SETBP1: variants seen among roughly 807,000 people sequenced by gnomAD.
SETBP1 encodes SET binding protein 1.
In SETBP1, 9 loss-of-function variants were observed where a neutral mutation model predicts 101.0. The ratio of observed to expected loss-of-function variants is 0.09; its 90% CI spans 0.05 to 0.16. The LOEUF (loss-of-function observed/expected upper bound fraction) is 0.16. Ranked by LOEUF, SETBP1 falls within the 10% of genes least tolerant of loss-of-function variation. The pLI is 1.00. For synonymous variants in SETBP1, 818 were observed against 788.5 expected (o/e 1.04, Z -0.63); for missense variants, 1,858 against 2,033.8 (o/e 0.91, Z 1.66).
chr18:44,907,278 T>C (rs1459209204), intron 3 of SETBP1, among the ~76,000 whole-genome samples: 2 of 152,248 alleles, frequency 1.3e-5, no homozygotes, highest in Non-Finnish European at 2.9e-5. Flanking sequence ...TGGTTGGTTC[T>C]ACTTTTTGGT....
chr18:44,869,460 T>C, intron 3 of SETBP1, 177 bp downstream of exon 3: 1 of 678,198 alleles, frequency 1.5e-6, no homozygotes, highest in Non-Finnish European at 2.7e-6. Flanking sequence ...CCTCTCATTC[T>C]AGCATGGACA....
intron 2 of SETBP1, among the ~76,000 whole-genome samples, chr18:44,770,018 T>C (rs1469821480): frequency 6.6e-6 from 1 of 152,216 alleles, no homozygotes; most frequent in African/African-American, 2.4e-5. Flanking sequence ...TCCTAGTGGA[T>C]CCTGAAATTC....
At chr18:44,788,612 G>A (rs1029055765) in intron 2 of SETBP1, among the ~76,000 whole-genome samples, 6 of 152,050 alleles carry the variant, frequency 3.9e-5, no homozygotes, top group Non-Finnish European at 7.3e-5. Context: ...CACTTATGGT[G>A]TTGTTTATTC....
At chr18:44,781,510 C>T (rs186024799) in intron 2 of SETBP1, among the ~76,000 whole-genome samples, 111 of 149,986 alleles carry the variant, frequency 7.4e-4, no homozygotes, top group African/African-American at 2.7e-3. Context: ...TCCCCCCCAC[C>T]CCCACCTCTG....
At chr18:44,803,002 C>T (rs1026711919) in intron 2 of SETBP1, among the ~76,000 whole-genome samples, 7 of 151,952 alleles carry the variant, frequency 4.6e-5, no homozygotes, top group Admixed American at 2.0e-4. Flanking sequence ...CTTGAGTAGA[C>T]GTTGAAAAGT....
intron 1 of SETBP1, among the ~76,000 whole-genome samples, chr18:44,686,200 C>G (rs2068837469): frequency 6.6e-6 from 1 of 152,262 alleles, no homozygotes; most frequent in Admixed American, 6.5e-5. Flanking sequence ...TTCCCTGACT[C>G]TTCTGTGTCC....
Position 44,948,058 on chromosome 18 carries a change from C to A in SETBP1, c.541-1823C>A, listed in dbSNP as rs140113634. Among the ~76,000 whole-genome samples, 5 of 152,270 alleles carry A rather than the reference C, an allele frequency of 3.3e-5. No homozygotes were observed. The East Asian group carries it at 9.6e-4, about 29-fold the overall frequency. On this transcript the variant is annotated intron_variant, in intron 3 of 5. Coordinates refer to ENST00000649279, the MANE Select transcript of SETBP1 (RefSeq NM_015559.3). ...CACGAATAAGATTTCTATGTTTTTG[C>A]TGAAAATGGAATAGCAGCCTATGTC...
chr18:45,021,616 A>G (rs1014506346), intron 4 of SETBP1, among the ~76,000 whole-genome samples: 2 of 152,216 alleles, frequency 1.3e-5, no homozygotes, highest in African/African-American at 4.8e-5. Flanking sequence ...TATGTCAAAT[A>G]TACAACTCAT....
intron 4 of SETBP1, among the ~76,000 whole-genome samples, chr18:44,972,140 C>A (rs2071878586): frequency 6.6e-6 from 1 of 152,298 alleles, no homozygotes; most frequent in South Asian, 2.1e-4. Flanking sequence ...GGAATCCTTT[C>A]CCCATTTCTT....
chr18:44,965,238 C>A (rs1460230939), intron 4 of SETBP1, among the ~76,000 whole-genome samples: 1 of 151,440 alleles, frequency 6.6e-6, no homozygotes, highest in Non-Finnish European at 1.5e-5. Context: ...AATTACCACT[C>A]TCACTTCGCA....
intron 3 of SETBP1, among the ~76,000 whole-genome samples, chr18:44,905,815 G>T (rs1355777491): frequency 2.0e-5 from 3 of 152,186 alleles, no homozygotes; most frequent in Non-Finnish European, 4.4e-5. Flanking sequence ...TTAATTGACT[G>T]GGAGAACTGT....
chr18:44,779,322 G>A (rs1349477037), intron 2 of SETBP1, among the ~76,000 whole-genome samples: 2 of 152,224 alleles, frequency 1.3e-5, no homozygotes, highest in Non-Finnish European at 2.9e-5. Flanking sequence ...CATGCATTGA[G>A]CCTTCACAAA....
intron 3 of SETBP1, among the ~76,000 whole-genome samples, chr18:44,928,558 C>A (rs1425283375): frequency 6.6e-6 from 1 of 152,182 alleles, no homozygotes; most frequent in East Asian, 1.9e-4. Context: ...AGTGTAAAAG[C>A]ATTCCTATTT....
rs574167081 is a variant in SETBP1 at position 44,781,047 on chromosome 18, TG to T, written c.486+79218del. Among the ~76,000 whole-genome samples the T allele has an allele frequency of 9.6e-4, 146 of 152,240 alleles. 1 individual carries two copies. The highest frequency in any genetic ancestry group is 3.3e-3 in the African/African-American group (136 of 41,542). ...CTGACAAGGACCAATATGTCAGGCCTGGGTCAAGCAAGGCAAGTGGGCAGGC... is the reference window on the plus strand; with the variant it reads ...CTGACAAGGACCAATATGTCAGGCCTGGTCAAGCAAGGCAAGTGGGCAGGC... On this transcript the variant is annotated intron_variant, in intron 2 of 5. Coordinates refer to ENST00000649279, the MANE Select transcript of SETBP1 (RefSeq NM_015559.3).
chr18:44,754,685 A>G (rs1247476181), intron 2 of SETBP1, among the ~76,000 whole-genome samples: 1 of 152,236 alleles, frequency 6.6e-6, no homozygotes, highest in Non-Finnish European at 1.5e-5. Context: ...TCAAGAATTT[A>G]TCTAAACCGC....
intron 2 of SETBP1, among the ~76,000 whole-genome samples, chr18:44,724,709 T>G (rs937305114): frequency 6.6e-6 from 1 of 151,890 alleles, no homozygotes; most frequent in African/African-American, 2.4e-5. Flanking sequence ...GAGGACAGGG[T>G]CAAGGGTTAA....
intron 2 of SETBP1, among the ~76,000 whole-genome samples, chr18:44,830,744 A>G (rs1164497581): frequency 1.3e-5 from 2 of 152,234 alleles, no homozygotes; most frequent in Admixed American, 1.3e-4. Flanking sequence ...CAGGAAAACC[A>G]CACACAAGTT....
At position 44,953,194 on chromosome 18, in the gene SETBP1, A is replaced by G; in HGVS notation, c.3854A>G (p.Asn1285Ser). 1 of 1,614,112 alleles carries G rather than the reference A, an allele frequency of 6.2e-7. No homozygotes were observed. The highest frequency in any genetic ancestry group is 8.5e-7 in the Non-Finnish European group (1 of 1,180,022). Residue 1285 changes from asparagine (N) to serine (S), a missense_variant, in exon 4 of 6, where the codon AAC becomes AGC. Asn to Ser is a conservative substitution (Grantham distance 46). Coordinates refer to ENST00000649279, the MANE Select transcript of SETBP1 (RefSeq NM_015559.3). ...SENLDVFSEM[N>S]PSNDKWDSDV... Reference sequence around the variant, plus strand: ...AACCTGGACGTGTTCAGTGAAATGAACCCTTCGAATGACAAGTGGGACAGT... The same window carrying G: ...AACCTGGACGTGTTCAGTGAAATGAGCCCTTCGAATGACAAGTGGGACAGT...
At chr18:45,054,284 T>C (rs1004194356) in intron 5 of SETBP1, among the ~76,000 whole-genome samples, 1 of 151,654 alleles carries the variant, frequency 6.6e-6, no homozygotes, top group Non-Finnish European at 1.5e-5. Context: ...GCCTCCAGGG[T>C]TCAAGTGATT....
Sources: allele counts gnomAD v4.1 joint callset (sites outside exome capture counted in the v4.1 genomes callset), GRCh38; gene constraint gnomAD v4.1.1; transcripts MANE v1.5; gene names NCBI Gene and HGNC (gene_info 2026-07-23, HGNC 2026-07-21).